Variants in TLCD3B observed in about 807,000 individuals in gnomAD.
TLCD3B encodes the protein TLC domain containing 3B.
A neutral mutation model predicts 23.0 loss-of-function variants in TLCD3B; 9 were observed. That is an observed-to-expected ratio of 0.39 (90% CI 0.24 to 0.68). The LOEUF (loss-of-function observed/expected upper bound fraction) is 0.68. Ranked by LOEUF, TLCD3B falls within the 30% of genes least tolerant of loss-of-function variation. The probability of loss-of-function intolerance (pLI) is 0.44; values close to 1 mark genes in which losing one functional copy is unlikely to be tolerated. For missense variants in TLCD3B, 307 were observed against 371.8 expected (o/e 0.83, Z 1.43); for synonymous variants, 161 against 161.0 (o/e 1.00, Z 0.00).
At chr16:30,035,960 A>C (rs1193038760), upstream of TLCD3B, among the ~76,000 whole-genome samples, 1 of 151,856 alleles carries the variant, frequency 6.6e-6, no homozygotes, top group Non-Finnish European at 1.5e-5. Context: ...ACAGGACTTT[A>C]CTGTGTTGGC....
At chr16:30,052,774 A>C (rs1010909608) in exon 1 of TLCD3B, 1 of 152,174 alleles carries the variant, frequency 6.6e-6, no homozygotes, top group Admixed American at 6.5e-5. Flanking sequence ...TGATGTTTAC[A>C]ATATCCCTGA....
intron 3 of TLCD3B, among the ~76,000 whole-genome samples, chr16:30,039,950 A>G (rs1012447697): frequency 6.6e-6 from 1 of 151,772 alleles, no homozygotes; most frequent in Non-Finnish European, 1.5e-5. Flanking sequence ...CCTGGCCAAC[A>G]TGGCGAAACC....
At chr16:30,036,553 T>C (rs918595785) in intron 3 of TLCD3B, 1 of 527,024 alleles carries the variant, frequency 1.9e-6, no homozygotes, top group Non-Finnish European at 3.0e-6. Context: ...GGCTGCTCTG[T>C]AGAGGCAGTT....
intron 1 of TLCD3B, among the ~76,000 whole-genome samples, chr16:30,050,051 A>G (rs2071727536): frequency 6.6e-6 from 1 of 152,230 alleles, no homozygotes; most frequent in Admixed American, 6.5e-5. Flanking sequence ...TGCATAATGT[A>G]TGAGCCCATG....
At chr16:30,047,222 T>A (rs902739311) in intron 1 of TLCD3B, among the ~76,000 whole-genome samples, 56 of 152,166 alleles carry the variant, frequency 3.7e-4, no homozygotes, top group Non-Finnish European at 3.2e-4. Context: ...TTGCAACCTC[T>A]GCCCCCAGCG....
At chr16:30,037,694 A>G (rs929065667) in intron 3 of TLCD3B, among the ~76,000 whole-genome samples, 2 of 151,920 alleles carry the variant, frequency 1.3e-5, no homozygotes, top group African/African-American at 4.8e-5. Context: ...CTATGATCAT[A>G]CCACTGCACT....
upstream of TLCD3B, among the ~76,000 whole-genome samples, chr16:30,035,780 G>C (rs1236078631): frequency 1.2e-5 from 1 of 81,166 alleles, no homozygotes; most frequent in Admixed American, 1.3e-4. Context: ...TTTTTTTTTT[G>C]AGATGCAGTC....
chr16:30,041,590 T>C (rs8050043), intron 2 of TLCD3B, among the ~76,000 whole-genome samples: 151,843 of 151,882 alleles, frequency 1, 75,902 homozygotes, highest in Middle Eastern at 1. Context: ...GGCATGGTGG[T>C]GGGTGCCTGT....
chr16:30,029,466 C>T lies in TLCD3B; in HGVS notation c.175G>A (p.Val59Ile), dbSNP rs757378215. 1.9e-5 allele frequency: 31 copies of T among 1,613,840 alleles called. No individual in the cohort carries two copies. Among genetic ancestry groups the T allele is most frequent in the African/African-American group, 1.1e-4 (8 of 74,894 alleles). ...AIMASTAGYI[V>I]STSCKHIIDD... ...ATGATGTGCTTGCAGGAGGTGGAGA[C>T]GATGTAGCCGGCAGTGGAGGCCATG... Residue 59 changes from valine (V) to isoleucine (I), a missense_variant, in exon 2 of 5, where the codon GTC becomes ATC. Coordinates refer to ENST00000380495, the MANE Select transcript of TLCD3B (RefSeq NM_031478.6). The surrounding 1 kb of genome is among the most constrained non-coding windows in gnomAD (Gnocchi z 4.6).
Position 30,025,145 on chromosome 16 carries a change from G to A in TLCD3B, c.*38C>T, listed in dbSNP as rs1473734792. 4 of 1,295,194 alleles carry A rather than the reference G, an allele frequency of 3.1e-6. No homozygotes were observed. The highest frequency in any genetic ancestry group is 3.0e-5 in the Admixed American group (1 of 33,846). 80.2% of individuals were successfully genotyped at this position (1,295,194 alleles called of 1,614,324 possible). A position where few individuals can be genotyped will look rare whatever the true frequency, so the allele number is the denominator to read the frequency against. On this transcript the variant is annotated 3_prime_UTR_variant, in exon 5 of 5. Coordinates refer to ENST00000380495, the MANE Select transcript of TLCD3B (RefSeq NM_031478.6). The surrounding 1 kb of genome is among the most constrained non-coding windows in gnomAD (Gnocchi z 4.1). ...AGCCCCAGAGCCCTGTCTCCACGGG[G>A]GTGGGGGTGGGGAGGGGGAGGGTCC...
rs1364252264 is a variant in TLCD3B at position 30,025,317 on chromosome 16, G to T, written c.691C>A (p.Pro231Thr). Reference protein sequence around the residue: ...LPLLAVPLAIPAHVNLGAALL... With the variant: ...LPLLAVPLAITAHVNLGAALL... ...GCAGCGCCCAGGTTGACGTGGGCAG[G>T]GATGGCCAGGGGCACGGCCAGCAGG... The change falls in exon 5 of 5, where the codon CCT becomes ACT. Residue 231 changes from proline to threonine, a missense_variant. Coordinates refer to ENST00000380495, the MANE Select transcript of TLCD3B (RefSeq NM_031478.6). The surrounding 1 kb of genome is among the most constrained non-coding windows in gnomAD (Gnocchi z 4.1). The T allele has an allele frequency of 6.4e-7, 1 of 1,568,916 alleles. No individual in the cohort carries two copies. Among genetic ancestry groups the T allele is most frequent in the Non-Finnish European group, 8.6e-7 (1 of 1,156,220 alleles).
chr16:30,035,588 C>A, upstream of TLCD3B: 1 of 1,120,256 alleles, frequency 8.9e-7, no homozygotes, highest in Non-Finnish European at 1.2e-6. Context: ...CCCCAAGAGA[C>A]CCATCCATCT....
At chr16:30,036,298 C>T (rs563496264) in intron 3 of TLCD3B, 25 of 1,289,040 alleles carry the variant, frequency 1.9e-5, no homozygotes, top group Middle Eastern at 4.3e-4. Flanking sequence ...AAAGCCAAAG[C>T]GATTGTTGTT....
intron 2 of TLCD3B, among the ~76,000 whole-genome samples, chr16:30,027,908 T>G (rs578188448): frequency 6.6e-6 from 1 of 152,136 alleles, no homozygotes; most frequent in Non-Finnish European, 1.5e-5. Flanking sequence ...TGTGGAGAAG[T>G]TGGGGCTGAG....
Position 30,030,809 on chromosome 16 carries a change from G to A in TLCD3B, c.-282C>T. 1.7e-6 allele frequency: 2 copies of A among 1,187,872 alleles called. No individual in the cohort carries two copies. Among genetic ancestry groups the A allele is most frequent in the East Asian group, 3.8e-5 (1 of 26,298 alleles). 73.6% of individuals were successfully genotyped at this position (1,187,872 alleles called of 1,614,324 possible). On this transcript the variant is annotated 5_prime_UTR_variant, in exon 1 of 5. Coordinates refer to ENST00000380495, the MANE Select transcript of TLCD3B (RefSeq NM_031478.6). ...GGATGGGGAGAGGCAAAGAGGGGAT[G>A]GCTTGGTGAGGGACAGAGAGGAAGA...
intron 1 of TLCD3B, among the ~76,000 whole-genome samples, chr16:30,048,836 T>C (rs943209225): frequency 6.6e-6 from 1 of 152,098 alleles, no homozygotes; most frequent in Non-Finnish European, 1.5e-5. Context: ...AGTGGTGCGA[T>C]CTTGGCTCAC....
intron 1 of TLCD3B, 119 bp downstream of exon 1, chr16:30,030,284 G>T (rs1274779803): frequency 1.7e-6 from 2 of 1,192,080 alleles, no homozygotes; most frequent in East Asian, 4.8e-5. Flanking sequence ...TAAAGCCCCG[G>T]ACCCCCACAG....
rs144994038 is a variant in TLCD3B, at chr16:30,042,864, C to T, written c.-228-1708G>A. On this transcript the variant is annotated intron_variant, in intron 2 of 6. Transcript: ENST00000561666. ...CTGTAATCGCAATGCTTTGGGAGGC[C>T]GAGGTGGGTGGATCATGAGGTCAGG... Among the ~76,000 whole-genome samples the T allele has an allele frequency of 7.0e-4, 106 of 151,954 alleles. No homozygotes were observed. In the East Asian group the frequency reaches 0.016, roughly 23 times the overall value.
chr16:30,031,545 C>T (rs1303273853), upstream of TLCD3B, among the ~76,000 whole-genome samples: 2 of 152,318 alleles, frequency 1.3e-5, no homozygotes, highest in African/African-American at 2.4e-5. Context: ...TGGCCTGCCC[C>T]GGGTCCGAGC....
Sources: gnomAD v4.1 joint callset for allele counts (sites outside exome capture counted in the v4.1 genomes callset) on GRCh38, gnomAD v4.1.1 for gene constraint, Gnocchi (gnomAD v3.1) non-coding constraint, MANE v1.5 for transcripts, NCBI Gene and HGNC (gene_info 2026-07-23, HGNC 2026-07-21) for gene names.